KCNH1: variants seen among roughly 807,000 people sequenced by gnomAD.
The protein encoded by KCNH1 is voltage-gated delayed rectifier potassium channel KCNH1.
In KCNH1, 27 loss-of-function variants were observed where a neutral mutation model predicts 69.2. That is an observed-to-expected ratio of 0.39 (90% CI 0.29 to 0.54). KCNH1 has a LOEUF of 0.54. Among genes scored for constraint, KCNH1 ranks in the 20% least tolerant of loss-of-function variants. The pLI is 0.68. For synonymous variants in KCNH1, 456 were observed against 487.7 expected, an observed-to-expected ratio of 0.93 and a Z score of 0.86; for missense variants, 798 against 1,261.6, an observed-to-expected ratio of 0.63 and a Z score of 5.57.
chr1:210,729,840 T>A (rs1682700665), intron 10 of KCNH1, among the ~76,000 whole-genome samples: 1 of 152,228 alleles, frequency 6.6e-6, no homozygotes, highest in Non-Finnish European at 1.5e-5. Flanking sequence ...AGTGCAGGGT[T>A]TAAGTCAACA....
intron 6 of KCNH1, among the ~76,000 whole-genome samples, chr1:210,992,632 G>A (rs543683939): frequency 6.6e-6 from 1 of 152,042 alleles, no homozygotes; most frequent in Non-Finnish European, 1.5e-5. Context: ...AACATTTTAA[G>A]TGGCATTATT....
At chr1:210,739,332 G>A (rs1430078517) in intron 10 of KCNH1, among the ~76,000 whole-genome samples, 1 of 152,212 alleles carries the variant, frequency 6.6e-6, no homozygotes, top group Non-Finnish European at 1.5e-5. Flanking sequence ...ATCCTGACTA[G>A]AACTACAACA....
chr1:211,073,289 G>T (rs778305961), intron 5 of KCNH1, among the ~76,000 whole-genome samples: 6 of 152,182 alleles, frequency 3.9e-5, no homozygotes, highest in Non-Finnish European at 7.4e-5. Context: ...AGACTTCAAT[G>T]CCTCTCTATC....
intron 6 of KCNH1, among the ~76,000 whole-genome samples, chr1:211,011,625 T>C (rs1287426747): frequency 6.6e-6 from 1 of 152,186 alleles, no homozygotes; most frequent in Admixed American, 6.5e-5. Context: ...ACATTTTTTT[T>C]AACTCTAGAA....
At chr1:211,088,819 AT>A (rs1691001948) in intron 4 of KCNH1, among the ~76,000 whole-genome samples, 1 of 152,154 alleles carries the variant, frequency 6.6e-6, no homozygotes. Flanking sequence ...GTATCTCCTC[AT>A]GAGTGTCTGT....
chr1:210,933,256 C>T (rs1009146721), intron 6 of KCNH1, among the ~76,000 whole-genome samples: 5 of 151,874 alleles, frequency 3.3e-5, no homozygotes, highest in African/African-American at 4.8e-5. Flanking sequence ...AGTAAACTAT[C>T]GCAAGAACAA....
chr1:210,964,608 T>C (rs894645770), intron 6 of KCNH1, among the ~76,000 whole-genome samples: 1 of 151,880 alleles, frequency 6.6e-6, no homozygotes, highest in Non-Finnish European at 1.5e-5. Flanking sequence ...GGACAGTAAT[T>C]AATAGCCTAC....
At chr1:210,777,038 G>T (rs891779089) in intron 9 of KCNH1, among the ~76,000 whole-genome samples, 1 of 152,124 alleles carries the variant, frequency 6.6e-6, no homozygotes, top group African/African-American at 2.4e-5. Flanking sequence ...TGCTACAAAG[G>T]GTGAAAAGTA....
chr1:210,708,747 A>G (rs1681977274), intron 10 of KCNH1, among the ~76,000 whole-genome samples: 1 of 152,296 alleles, frequency 6.6e-6, no homozygotes, highest in Admixed American at 6.5e-5. Context: ...CTAGGACAGT[A>G]AGTGTCCAAC....
At chr1:210,851,053 G>A (rs956748412) in intron 7 of KCNH1, among the ~76,000 whole-genome samples, 5 of 152,282 alleles carry the variant, frequency 3.3e-5, no homozygotes, top group South Asian at 4.1e-4. Context: ...CATGGCCCAC[G>A]TATCCTCAGA....
intron 9 of KCNH1, among the ~76,000 whole-genome samples, chr1:210,780,987 C>T (rs985355644): frequency 1.3e-5 from 2 of 152,164 alleles, no homozygotes; most frequent in African/African-American, 4.8e-5. Context: ...ATGGAGCTTG[C>T]AGTGAGCCGA....
chr1:211,033,097 T>C (rs908394882), intron 5 of KCNH1, among the ~76,000 whole-genome samples: 5 of 152,090 alleles, frequency 3.3e-5, no homozygotes, highest in African/African-American at 9.7e-5. Flanking sequence ...AAAAAGTGGA[T>C]GAAGGATATG....
intron 6 of KCNH1, among the ~76,000 whole-genome samples, chr1:210,955,540 A>T (rs1688155391): frequency 6.6e-6 from 1 of 152,108 alleles, no homozygotes; most frequent in South Asian, 2.1e-4. Flanking sequence ...ATGAGCATGG[A>T]ATGTTCTTCC....
At chr1:211,060,686 T>C (rs532137604) in intron 5 of KCNH1, among the ~76,000 whole-genome samples, 1 of 152,218 alleles carries the variant, frequency 6.6e-6, no homozygotes, top group South Asian at 2.1e-4. Flanking sequence ...TGAGCAATTA[T>C]ATGCCAATAA....
chr1:211,055,135 C>T (rs11119672), intron 5 of KCNH1, among the ~76,000 whole-genome samples: 58,406 of 151,952 alleles, frequency 0.38, 11,560 homozygotes, highest in South Asian at 0.46. Flanking sequence ...TACCTGGTTT[C>T]AACGTCATAT....
chr1:211,055,512 G>C (rs1690287301), intron 5 of KCNH1, among the ~76,000 whole-genome samples: 1 of 152,226 alleles, frequency 6.6e-6, no homozygotes, highest in South Asian at 2.1e-4. Flanking sequence ...TCCTGGGCAA[G>C]TCCTGGTGCT....
intron 7 of KCNH1, among the ~76,000 whole-genome samples, chr1:210,852,596 G>A (rs146604317): frequency 1.1e-3 from 167 of 152,100 alleles, no homozygotes; most frequent in Non-Finnish European, 2.0e-3. Flanking sequence ...TAAACAAAAC[G>A]CCTGTGGAAT....
chr1:210,911,897 C>T (rs775512558), intron 7 of KCNH1, among the ~76,000 whole-genome samples: 1 of 152,126 alleles, frequency 6.6e-6, no homozygotes, highest in Non-Finnish European at 1.5e-5. Flanking sequence ...CTCTCCACTG[C>T]CCTCTTTCCC....
chr1:210,941,121 C>CTAGGAA (rs1687868411), intron 6 of KCNH1, among the ~76,000 whole-genome samples: 1 of 152,182 alleles, frequency 6.6e-6, no homozygotes, highest in African/African-American at 2.4e-5. Context: ...AGGAAAGCAT[C>CTAGGAA]GCCTTGACTA....
Sources: allele counts gnomAD v4.1 joint callset (sites outside exome capture counted in the v4.1 genomes callset), GRCh38; gene constraint gnomAD v4.1.1; transcripts MANE v1.5; gene names NCBI Gene and HGNC (gene_info 2026-07-23, HGNC 2026-07-21).